The following KCND2 variants were observed in gnomAD, a reference collection of about 807,000 sequenced individuals.
The protein encoded by KCND2 is A-type voltage-gated potassium channel KCND2.
In KCND2, 16 loss-of-function variants were observed where a neutral mutation model predicts 54.4. The observed-to-expected ratio is 0.29, with a 90% CI of 0.20 to 0.45. The LOEUF (loss-of-function observed/expected upper bound fraction) is 0.45. Ranked by LOEUF, KCND2 falls within the 20% of genes least tolerant of loss-of-function variation. The pLI is 1.00. For missense variants in KCND2, 486 were observed against 824.2 expected (o/e 0.59, Z 5.02); for synonymous variants, 317 against 310.7 (o/e 1.02, Z -0.21).
intron 1 of KCND2, among the ~76,000 whole-genome samples, chr7:120,560,060 G>A (rs184324373): frequency 4.1e-4 from 63 of 152,258 alleles, no homozygotes; most frequent in African/African-American, 1.5e-3. Context: ...AAATCATAAT[G>A]TGAATGTTTT....
At chr7:120,459,338 T>G (rs1802247462) in intron 1 of KCND2, among the ~76,000 whole-genome samples, 1 of 152,196 alleles carries the variant, frequency 6.6e-6, no homozygotes, top group Admixed American at 6.5e-5. Flanking sequence ...CTCAATTATC[T>G]GCATAGCATG....
intron 1 of KCND2, among the ~76,000 whole-genome samples, chr7:120,713,745 A>G (rs1028688021): frequency 1.3e-5 from 2 of 152,158 alleles, no homozygotes; most frequent in Non-Finnish European, 2.9e-5. Flanking sequence ...TAAAGTAACA[A>G]CTGGGACTTG....
chr7:120,392,522 T>G (rs1205438427), intron 1 of KCND2, among the ~76,000 whole-genome samples: 1 of 151,924 alleles, frequency 6.6e-6, no homozygotes. Flanking sequence ...ATAAAAACCT[T>G]ACTTTTCTTT....
chr7:120,651,692 C>T (rs1431546701), intron 1 of KCND2, among the ~76,000 whole-genome samples: 1 of 152,156 alleles, frequency 6.6e-6, no homozygotes, highest in African/African-American at 2.4e-5. Flanking sequence ...GGAAATCATC[C>T]ATCTTCTGTG....
intron 1 of KCND2, among the ~76,000 whole-genome samples, chr7:120,327,601 G>T (rs1043752948): frequency 2.6e-5 from 4 of 151,954 alleles, no homozygotes; most frequent in African/African-American, 9.7e-5. Context: ...CTAATATGAG[G>T]TGCATAATAT....
chr7:120,429,595 G>A (rs1184226983), intron 1 of KCND2, among the ~76,000 whole-genome samples: 11 of 152,250 alleles, frequency 7.2e-5, no homozygotes, highest in Non-Finnish European at 1.2e-4. Flanking sequence ...AGTTGAACTC[G>A]TCAGTTTTTC....
intron 1 of KCND2, among the ~76,000 whole-genome samples, chr7:120,422,103 C>G (rs1354922760): frequency 6.6e-6 from 1 of 152,090 alleles, no homozygotes; most frequent in Non-Finnish European, 1.5e-5. Context: ...CTCATCTGGG[C>G]CTGACATATG....
intron 1 of KCND2, among the ~76,000 whole-genome samples, chr7:120,631,219 A>G (rs1049985697): frequency 6.6e-6 from 1 of 152,108 alleles, no homozygotes; most frequent in African/African-American, 2.4e-5. Flanking sequence ...GTCATTATCA[A>G]TCCAAATATT....
At position 120,436,309 on chromosome 7, in the gene KCND2, G is replaced by A. The variant is rs73433890; in HGVS notation, c.1115+160562G>A. Among the ~76,000 whole-genome samples, 867 of 152,150 alleles carry A rather than the reference G, an allele frequency of 5.7e-3. 7 individuals carry two copies. The highest frequency in any genetic ancestry group is 9.6e-3 in the Non-Finnish European group (655 of 68,004). On this transcript the variant is annotated intron_variant, in intron 1 of 5. Transcript: ENST00000331113. ...ATCATTAAGAAATTAAAGATAATCCGTAAATAAAACAATGACAATATAATA... is the reference window on the plus strand; with the variant it reads ...ATCATTAAGAAATTAAAGATAATCCATAAATAAAACAATGACAATATAATA...
At chr7:120,470,397 A>C (rs1009297806) in intron 1 of KCND2, among the ~76,000 whole-genome samples, 2 of 152,114 alleles carry the variant, frequency 1.3e-5, no homozygotes, top group Non-Finnish European at 2.9e-5. Context: ...GCTATCAAGC[A>C]CTTTAACATA....
intron 1 of KCND2, among the ~76,000 whole-genome samples, chr7:120,698,944 G>A (rs76731915): frequency 0.025 from 3,754 of 152,232 alleles, 49 homozygotes; most frequent in African/African-American, 0.046. Context: ...TAAAACAGGA[G>A]ACTTGTTGAG....
chr7:120,684,273 A>G (rs11971312), intron 1 of KCND2, among the ~76,000 whole-genome samples: 6,280 of 152,202 alleles, frequency 0.041, 234 homozygotes, highest in African/African-American at 0.1. Flanking sequence ...AAGTTAGCAC[A>G]TTGTATTTCA....
intron 1 of KCND2, among the ~76,000 whole-genome samples, chr7:120,499,002 T>C (rs1409714815): frequency 4.6e-5 from 7 of 152,016 alleles, no homozygotes; most frequent in African/African-American, 1.4e-4. Flanking sequence ...ATTCCGTTCA[T>C]AGGAAATTTT....
chr7:120,331,700 T>C (rs10266678), intron 1 of KCND2, among the ~76,000 whole-genome samples: 11,297 of 152,114 alleles, frequency 0.074, 897 homozygotes, highest in African/African-American at 0.2. Context: ...ACTTTTAATT[T>C]ATCTTCTAGA....
At position 120,710,926 on chromosome 7, in the gene KCND2, A is replaced by G. The variant is rs976083714; in HGVS notation, c.1116-21977A>G. Reference sequence around the variant, plus strand: ...CTATTATATCTTTTTTATAATTTTCATTAGTCATTTAGCTCCAGTATATTC... The same window carrying G: ...CTATTATATCTTTTTTATAATTTTCGTTAGTCATTTAGCTCCAGTATATTC... On this transcript the variant is annotated intron_variant, in intron 1 of 5. Coordinates refer to ENST00000331113, the MANE Select transcript of KCND2 (RefSeq NM_012281.3). Among the ~76,000 whole-genome samples, 10 of 152,234 alleles carry G rather than the reference A, an allele frequency of 6.6e-5. No individual in the cohort carries two copies. In the South Asian group the frequency reaches 1.2e-3, roughly 19 times the overall value.
chr7:120,598,685 T>C (rs2116469611), intron 1 of KCND2, among the ~76,000 whole-genome samples: 1 of 152,324 alleles, frequency 6.6e-6, no homozygotes, highest in East Asian at 1.9e-4. Flanking sequence ...TCTGTTTTTA[T>C]GGTGAATAAA....
intron 2 of KCND2, among the ~76,000 whole-genome samples, chr7:120,738,351 G>A (rs891021423): frequency 6.6e-6 from 1 of 151,874 alleles, no homozygotes; most frequent in Admixed American, 6.6e-5. Flanking sequence ...CCACACTTAC[G>A]AATTCCTTGG....
intron 1 of KCND2, among the ~76,000 whole-genome samples, chr7:120,409,495 C>T (rs1801415907): frequency 6.6e-6 from 1 of 151,888 alleles, no homozygotes; most frequent in African/African-American, 2.4e-5. Context: ...TTTTTTGCCG[C>T]ATTTTGCATT....
At chr7:120,420,010 AAAG>A (rs1801588949) in intron 1 of KCND2, among the ~76,000 whole-genome samples, 3 of 151,170 alleles carry the variant, frequency 2.0e-5, no homozygotes, top group Non-Finnish European at 2.9e-5. Flanking sequence ...AAAAAAAAAA[AAAG>A]AAAGAAAAAA....
Sources: gnomAD v4.1 joint callset for allele counts (sites outside exome capture counted in the v4.1 genomes callset) on GRCh38, gnomAD v4.1.1 for gene constraint, MANE v1.5 for transcripts, NCBI Gene and HGNC (gene_info 2026-07-23, HGNC 2026-07-21) for gene names.